Variants in EPHA5 observed in about 807,000 individuals in gnomAD.
The protein encoded by EPHA5 is EPH receptor A5, also known as ephrin type-A receptor 5.
EPHA5 carries 60 observed loss-of-function variants against 105.0 expected under a neutral mutation model. That is an observed-to-expected ratio of 0.57 (90% CI 0.46 to 0.71). The LOEUF (loss-of-function observed/expected upper bound fraction) is 0.71, where lower values mean the gene tolerates loss of function less well. EPHA5 is among the 30% of genes least tolerant of loss of function. The pLI is 0.00. For missense variants in EPHA5, 1,218 were observed against 1,274.7 expected, an observed-to-expected ratio of 0.96 and a Z score of 0.68; for synonymous variants, 513 against 449.1, an observed-to-expected ratio of 1.14 and a Z score of -1.80.
chr4:65,499,947 A>G (rs1283959465), intron 3 of EPHA5, among the ~76,000 whole-genome samples: 1 of 151,318 alleles, frequency 6.6e-6, no homozygotes, highest in Non-Finnish European at 1.5e-5. Flanking sequence ...TCTGTCAAGA[A>G]CTGTGACAAA....
chr4:65,650,168 A>G (rs1748465749), intron 1 of EPHA5, among the ~76,000 whole-genome samples: 1 of 152,136 alleles, frequency 6.6e-6, no homozygotes, highest in African/African-American at 2.4e-5. Flanking sequence ...CCTGCCCCCA[A>G]ATGAACAAAG....
intron 11 of EPHA5, among the ~76,000 whole-genome samples, chr4:65,362,478 T>C (rs1044769593): frequency 6.6e-6 from 1 of 151,740 alleles, no homozygotes; most frequent in Non-Finnish European, 1.5e-5. Flanking sequence ...TCAATTCATA[T>C]GGAATAAAAA....
At chr4:65,575,836 G>T (rs1296868915) in intron 3 of EPHA5, among the ~76,000 whole-genome samples, 1 of 151,406 alleles carries the variant, frequency 6.6e-6, no homozygotes, top group Non-Finnish European at 1.5e-5. Flanking sequence ...AATTAGGCAG[G>T]CGTAGTGATG....
intron 1 of EPHA5, among the ~76,000 whole-genome samples, chr4:65,655,802 A>T (rs1413555260): frequency 6.6e-6 from 1 of 152,246 alleles, no homozygotes; most frequent in East Asian, 1.9e-4. Flanking sequence ...GTTGGCTCTA[A>T]TGAGCACCTC....
intron 2 of EPHA5, among the ~76,000 whole-genome samples, chr4:65,635,116 G>C (rs1370668120): frequency 6.6e-6 from 1 of 150,974 alleles, no homozygotes. Context: ...AAAAACCTGA[G>C]TTATTTCCAG....
chr4:65,384,852 C>G (rs901169207), intron 8 of EPHA5, among the ~76,000 whole-genome samples: 1 of 151,770 alleles, frequency 6.6e-6, no homozygotes, highest in Non-Finnish European at 1.5e-5. Context: ...GTTTCTTACT[C>G]CTGCAGAACG....
intron 8 of EPHA5, among the ~76,000 whole-genome samples, chr4:65,374,199 T>C (rs957687541): frequency 6.6e-6 from 1 of 151,916 alleles, no homozygotes; most frequent in African/African-American, 2.4e-5. Flanking sequence ...GCTAAAAATG[T>C]GGGCAGCCTT....
intron 2 of EPHA5, among the ~76,000 whole-genome samples, chr4:65,618,109 G>A (rs1052085295): frequency 6.6e-6 from 1 of 152,090 alleles, no homozygotes; most frequent in Non-Finnish European, 1.5e-5. Flanking sequence ...TGGGCTAAAT[G>A]TAAAGTTCAA....
intron 1 of EPHA5, among the ~76,000 whole-genome samples, chr4:65,645,874 G>A (rs1211420824): frequency 6.6e-6 from 1 of 151,824 alleles, no homozygotes; most frequent in Non-Finnish European, 1.5e-5. Flanking sequence ...GGTCCTTCTG[G>A]AAACAAATGA....
At chr4:65,629,789 C>T (rs1019752351) in intron 2 of EPHA5, among the ~76,000 whole-genome samples, 9 of 152,096 alleles carry the variant, frequency 5.9e-5, no homozygotes, top group Admixed American at 5.2e-4. Flanking sequence ...CCATCCTCTT[C>T]CCCCTACCCA....
chr4:65,557,052 A>G (rs1483927876), intron 3 of EPHA5, among the ~76,000 whole-genome samples: 3 of 151,658 alleles, frequency 2.0e-5, no homozygotes, highest in Non-Finnish European at 2.9e-5. Context: ...TCTTCGATGA[A>G]GGTGTGATAA....
intron 8 of EPHA5, among the ~76,000 whole-genome samples, chr4:65,381,124 G>C (rs2148929898): frequency 6.6e-6 from 1 of 150,828 alleles, no homozygotes; most frequent in East Asian, 1.9e-4. Context: ...ACTATATTAA[G>C]ACAGTCTTAG....
At chr4:65,400,670 T>C (rs2148980049) in intron 8 of EPHA5, among the ~76,000 whole-genome samples, 1 of 152,248 alleles carries the variant, frequency 6.6e-6, no homozygotes, top group South Asian at 2.1e-4. Context: ...TCCTTGAGCA[T>C]ATTTTAGAAT....
At chr4:65,450,143 T>C (rs1726935455) in intron 5 of EPHA5, among the ~76,000 whole-genome samples, 1 of 152,186 alleles carries the variant, frequency 6.6e-6, no homozygotes, top group South Asian at 2.1e-4. Flanking sequence ...GCAGTGAAAC[T>C]ACTGAAACAC....
At chr4:65,484,597 T>G (rs537685885) in intron 5 of EPHA5, among the ~76,000 whole-genome samples, 10 of 152,238 alleles carry the variant, frequency 6.6e-5, no homozygotes, top group African/African-American at 2.2e-4. Flanking sequence ...AATTAAAATG[T>G]GTCTGTTTCG....
chr4:65,566,709 G>T (rs1191384769), intron 3 of EPHA5, among the ~76,000 whole-genome samples: 4 of 151,694 alleles, frequency 2.6e-5, no homozygotes, highest in African/African-American at 7.3e-5. Context: ...TCAGTTGTAA[G>T]GCTTGTCTGT....
intron 5 of EPHA5, among the ~76,000 whole-genome samples, chr4:65,431,685 C>A (rs1043763161): frequency 5.3e-5 from 8 of 152,092 alleles, no homozygotes; most frequent in African/African-American, 1.9e-4. Flanking sequence ...TTCCACGTGT[C>A]CTGGCCAGTG....
At chr4:65,647,328 CAAAAAAAAAA>C (rs55995799) in intron 1 of EPHA5, among the ~76,000 whole-genome samples, 2 of 70,904 alleles carry the variant, frequency 2.8e-5, no homozygotes, top group African/African-American at 5.7e-5. Flanking sequence ...GACTCTGTCT[CAAAAAAAAAA>C]AAAAAAAAAA....
At chr4:65,470,193 G>GC (rs919445097) in intron 5 of EPHA5, among the ~76,000 whole-genome samples, 2 of 143,556 alleles carry the variant, frequency 1.4e-5, no homozygotes, top group African/African-American at 5.1e-5. Context: ...TTCTTTCTTT[G>GC]TTTTTTTTTT....
Sources: gnomAD v4.1 joint callset for allele counts (sites outside exome capture counted in the v4.1 genomes callset) on GRCh38, gnomAD v4.1.1 for gene constraint, MANE v1.5 for transcripts, NCBI Gene and HGNC (gene_info 2026-07-23, HGNC 2026-07-21) for gene names.